The following BYSL variants were observed in gnomAD, a reference collection of about 807,000 sequenced individuals.
BYSL encodes the protein bystin.
Under a neutral mutation model 45.4 loss-of-function variants are expected in BYSL, and 21 were observed. That is an observed-to-expected ratio of 0.46 (90% CI 0.33 to 0.67). The LOEUF is 0.67. BYSL is among the 30% of genes least tolerant of loss of function. BYSL has a pLI of 0.02. For missense variants in BYSL, 522 were observed against 578.5 expected (o/e 0.90, Z 1.00); for synonymous variants, 215 against 231.3 (o/e 0.93, Z 0.64).
chr6:41,927,220 G>A (rs527603316), intron 1 of BYSL, among the ~76,000 whole-genome samples, 154 bp from the exon 2 acceptor site: 18 of 152,262 alleles, frequency 1.2e-4, no homozygotes, highest in African/African-American at 4.1e-4. Context: ...GCAAGCCCCT[G>A]GGGACAGGGA....
intron 1 of BYSL, among the ~76,000 whole-genome samples, chr6:41,924,915 A>G (rs145599647): frequency 3.7e-4 from 56 of 152,228 alleles, no homozygotes; most frequent in Middle Eastern, 6.8e-3. Context: ...ATTGAATATG[A>G]TTTAGTAATT....
chr6:41,913,258 T>A, the BYSL span, among the ~76,000 whole-genome samples: 4 of 152,176 alleles, frequency 2.6e-5, no homozygotes, highest in African/African-American at 9.7e-5. Context: ...TGAGAATCAC[T>A]GATCTAAAGG....
At position 41,927,226 on chromosome 6, in the gene BYSL, A is replaced by G. The variant is rs767273993; in HGVS notation, c.269-148A>G. The G allele has an allele frequency of 1.1e-5, 9 of 850,256 alleles. No individual in the cohort carries two copies. The African/African-American group carries it at 1.2e-4, about 11-fold the overall frequency. 52.7% of individuals were successfully genotyped at this position (850,256 alleles called of 1,614,324 possible). On this transcript the variant is annotated intron_variant, in intron 1 of 6. Coordinates refer to ENST00000230340, the MANE Select transcript of BYSL (RefSeq NM_004053.4). Reference sequence around the variant, plus strand: ...AGCATGATTGCAAGCCCCTGGGGACAGGGAGCTAATGCATTTGTTTCACTG... The same window carrying G: ...AGCATGATTGCAAGCCCCTGGGGACGGGGAGCTAATGCATTTGTTTCACTG...
At chr6:41,920,889 A>G (rs1408689486), upstream of BYSL, 1 of 1,373,408 alleles carries the variant, frequency 7.3e-7, no homozygotes, top group African/African-American at 1.5e-5. Context: ...CCTCTCATCT[A>G]CACAACCCGA....
At chr6:41,916,839 A>C, upstream of BYSL, 1 of 1,613,960 alleles carries the variant, frequency 6.2e-7, no homozygotes, top group Non-Finnish European at 8.5e-7. Flanking sequence ...TCCACACAAA[A>C]TGTTCCTTGC....
chr6:41,914,726 A>C, the BYSL span, among the ~76,000 whole-genome samples: 1 of 151,966 alleles, frequency 6.6e-6, no homozygotes, highest in Non-Finnish European at 1.5e-5. Flanking sequence ...AAAAAGAAAA[A>C]AAAAAAAAGT....
At chr6:41,921,216 T>TGACA, upstream of BYSL, 1 of 697,034 alleles carries the variant, frequency 1.4e-6, no homozygotes, top group South Asian at 2.0e-5. Context: ...ACGCCTCCAC[T>TGACA]GACATCATCT....
chr6:41,913,209 G>GT, the BYSL span: 2 of 152,142 alleles, frequency 1.3e-5, no homozygotes, highest in African/African-American at 4.8e-5. Context: ...AATCTGTGTG[G>GT]TAACAAGCCT....
the BYSL span, among the ~76,000 whole-genome samples, chr6:41,910,589 G>A: frequency 6.7e-6 from 1 of 148,900 alleles, no homozygotes; most frequent in Non-Finnish European, 1.5e-5. Flanking sequence ...TTGAGAGCGT[G>A]TCACTGCACT....
the BYSL span, among the ~76,000 whole-genome samples, chr6:41,915,062 G>A: frequency 6.6e-6 from 1 of 152,182 alleles, no homozygotes; most frequent in African/African-American, 2.4e-5. Flanking sequence ...AAGTATCCCA[G>A]GTGATTCTGA....
At position 41,932,344 on chromosome 6, in the gene BYSL, C is replaced by T. The variant is rs766002158; in HGVS notation, c.969-17C>T. 1 of 1,599,984 alleles carries T rather than the reference C, an allele frequency of 6.3e-7. No individual in the cohort carries two copies. Among genetic ancestry groups the T allele is most frequent in the Non-Finnish European group, 8.5e-7 (1 of 1,175,066 alleles). On this transcript the variant is annotated splice_polypyrimidine_tract_variant and intron_variant, in intron 6 of 6. Coordinates refer to ENST00000230340, the MANE Select transcript of BYSL (RefSeq NM_004053.4). The surrounding 1 kb of genome is among the most constrained non-coding windows in gnomAD (Gnocchi z 4.7). ...TGTTTTCCCTGCTTACTCTACCCCA[C>T]CTCCCTTTCCCACTAGTGCGGCCAT... is the stretch of plus-strand genomic sequence containing the variant.
intron 2 of BYSL, among the ~76,000 whole-genome samples, chr6:41,929,469 A>G (rs534773895): frequency 3.0e-4 from 46 of 152,316 alleles, no homozygotes; most frequent in Admixed American, 2.4e-3. Context: ...CTGCATGCCA[A>G]CCTGGGCAAC....
At chr6:41,916,634 A>G, upstream of BYSL, 1 of 910,942 alleles carries the variant, frequency 1.1e-6, no homozygotes, top group South Asian at 1.8e-5. Flanking sequence ...TCTAAGAGAT[A>G]AAGAACCAAG....
At position 41,932,377 on chromosome 6, in the gene BYSL, A is replaced by C; in HGVS notation, c.985A>C (p.Ile329Leu). 6.2e-7 allele frequency: 1 copy of C among 1,611,178 alleles called. No individual in the cohort carries two copies. Among genetic ancestry groups the C allele is most frequent in the Non-Finnish European group, 8.5e-7 (1 of 1,179,472 alleles). Residue 329 changes from isoleucine (I) to leucine (L), a missense_variant, in exon 7 of 7, where the codon ATT becomes CTT. Transcript: ENST00000230340. The surrounding 1 kb of genome is among the most constrained non-coding windows in gnomAD (Gnocchi z 4.7). ...TCCCACTAGTGCGGCCATGCTGAAA[A>C]TTGCTGAGATGGAATACAGCGGTGC... Reference protein sequence around the residue: ...VLHSSAAMLKIAEMEYSGANS... With the variant: ...VLHSSAAMLKLAEMEYSGANS...
intron 2 of BYSL, among the ~76,000 whole-genome samples, chr6:41,929,482 A>G (rs1775606984): frequency 6.6e-6 from 1 of 152,186 alleles, no homozygotes; most frequent in Non-Finnish European, 1.5e-5. Context: ...TGGGCAACAG[A>G]GGTAGACTCT....
Position 41,932,364 on chromosome 6 carries a change from G to A in BYSL, c.972G>A (p.Ala324=), listed in dbSNP as rs142748146. 150 of 1,607,968 alleles carry A rather than the reference G, an allele frequency of 9.3e-5. 1 individual carries two copies. In the Middle Eastern group the frequency reaches 2.1e-3, roughly 23 times the overall value. ...CCCCACCTCCCTTTCCCACTAGTGC[G>A]GCCATGCTGAAAATTGCTGAGATGG... The part of the protein sequence containing the change: ...KCSIPVLHSS[A]AMLKIAEMEY... Residue 324 remains alanine (A), a synonymous_variant, in exon 7 of 7, where the codon GCG becomes GCA. Transcript: ENST00000230340. This position sits in a 1 kb window ranked among gnomAD's most constrained non-coding sequence, Gnocchi z 4.7.
chr6:41,910,505 G>A, the BYSL span, among the ~76,000 whole-genome samples: 5 of 151,784 alleles, frequency 3.3e-5, no homozygotes, highest in East Asian at 3.9e-4. Context: ...GGCGGTGCAC[G>A]CCTGTAATCC....
the BYSL span, chr6:41,909,667 T>C: frequency 1.6e-6 from 2 of 1,216,562 alleles, no homozygotes; most frequent in Admixed American, 5.0e-5. Flanking sequence ...GGGAATCCTC[T>C]CACTGACAGC....
intron 2 of BYSL, among the ~76,000 whole-genome samples, chr6:41,929,777 A>G (rs1193906747): frequency 1.3e-5 from 2 of 152,216 alleles, no homozygotes; most frequent in African/African-American, 2.4e-5. Flanking sequence ...TATTTTACAA[A>G]TGAGGAAACA....
Sources: gnomAD v4.1 joint callset for allele counts (sites outside exome capture counted in the v4.1 genomes callset) on GRCh38, gnomAD v4.1.1 for gene constraint, Gnocchi (gnomAD v3.1) non-coding constraint, MANE v1.5 for transcripts, NCBI Gene and HGNC (gene_info 2026-07-23, HGNC 2026-07-21) for gene names.